C12orf42: variants seen among roughly 807,000 people sequenced by gnomAD.
The protein encoded by C12orf42 is chromosome 12 open reading frame 42.
C12orf42 carries 25 observed loss-of-function variants against 21.6 expected under a neutral mutation model. The observed-to-expected ratio is 1.16, with a 90% confidence interval of 0.84 to 1.62. The LOEUF (loss-of-function observed/expected upper bound fraction) is 1.62, where lower values mean the gene tolerates loss of function less well. C12orf42 is among the 40% of genes most tolerant of loss of function. The pLI is 0.00. For missense variants in C12orf42, 483 were observed against 459.3 expected (o/e 1.05, Z -0.47); for synonymous variants, 174 against 175.0 (o/e 0.99, Z 0.05).
chr12:103,366,787 T>C (rs973471644), intron 4 of C12orf42, among the ~76,000 whole-genome samples: 1 of 151,796 alleles, frequency 6.6e-6, no homozygotes, highest in Non-Finnish European at 1.5e-5. Context: ...AGAATGGCCA[T>C]AATCAAAAAA....
chr12:103,139,577 T>C, the C12orf42 span, among the ~76,000 whole-genome samples: 7 of 151,932 alleles, frequency 4.6e-5, no homozygotes, highest in Non-Finnish European at 1.0e-4. Flanking sequence ...AAAAAAATTA[T>C]GACGTATGTA....
At chr12:103,401,103 T>C (rs886209033) in intron 3 of C12orf42, among the ~76,000 whole-genome samples, 1 of 152,158 alleles carries the variant, frequency 6.6e-6, no homozygotes, top group Non-Finnish European at 1.5e-5. Flanking sequence ...TTCATAGTCA[T>C]GCATATGCAC....
At chr12:103,050,577 A>T in the C12orf42 span, among the ~76,000 whole-genome samples, 1 of 152,140 alleles carries the variant, frequency 6.6e-6, no homozygotes, top group Non-Finnish European at 1.5e-5. Flanking sequence ...TCCTATACAG[A>T]GTAGCCATAT....
intron 2 of C12orf42, among the ~76,000 whole-genome samples, chr12:103,445,787 G>T (rs1332076347): frequency 6.6e-6 from 1 of 151,960 alleles, no homozygotes; most frequent in African/African-American, 2.4e-5. Flanking sequence ...TTTATAGTTA[G>T]TACTCTTTGG....
intron 3 of C12orf42, among the ~76,000 whole-genome samples, chr12:103,377,009 C>G (rs951939218): frequency 5.3e-5 from 8 of 151,956 alleles, no homozygotes; most frequent in African/African-American, 1.9e-4. Context: ...TTATGCTGCT[C>G]TTTTTAAAAA....
chr12:103,173,457 C>G, the C12orf42 span, among the ~76,000 whole-genome samples: 3 of 152,068 alleles, frequency 2.0e-5, no homozygotes, highest in Admixed American at 1.3e-4. Context: ...ATCATGAACT[C>G]TGGTGTTATC....
chr12:103,364,001 A>G (rs957138565), intron 4 of C12orf42, among the ~76,000 whole-genome samples: 2 of 152,272 alleles, frequency 1.3e-5, no homozygotes, highest in African/African-American at 4.8e-5. Context: ...TGGACTTAAC[A>G]GATATTTACA....
downstream of C12orf42, among the ~76,000 whole-genome samples, chr12:103,266,152 A>G (rs1010657286): frequency 1.3e-5 from 2 of 152,202 alleles, no homozygotes; most frequent in Non-Finnish European, 2.9e-5. Flanking sequence ...CTTAAAGTGT[A>G]TTATTGAAGA....
the C12orf42 span, among the ~76,000 whole-genome samples, chr12:103,084,881 G>A: frequency 3.3e-5 from 5 of 152,112 alleles, no homozygotes; most frequent in African/African-American, 1.2e-4. Context: ...GGTGCCCTGG[G>A]AAGGCCTGGA....
the C12orf42 span, among the ~76,000 whole-genome samples, chr12:103,124,155 CTTTTTTTTTTTTTTT>C: frequency 3.9e-5 from 3 of 75,962 alleles, no homozygotes; most frequent in Admixed American, 1.7e-4. Flanking sequence ...CAAACATAAG[CTTTTTTTTTTTTTTT>C]TTTTTTTTTT....
Position 103,437,936 on chromosome 12 carries a change from T to G in C12orf42, c.79-36261A>C, listed in dbSNP as rs1406354368. 5.4e-5 allele frequency among the ~76,000 whole-genome samples: 8 copies of G among 148,422 alleles called. No individual in the cohort carries two copies. The South Asian group carries it at 1.8e-3, about 33-fold the overall frequency. On this transcript the variant is annotated intron_variant, in intron 2 of 5. Coordinates refer to ENST00000548883, the MANE Select transcript of C12orf42 (RefSeq NM_198521.5). ...CCAGCATCATCCTGATACCAAAGCC[T>G]GGCAGAGACACAACAAAAAAAGAGA...
intron 10 of C12orf42, among the ~76,000 whole-genome samples, chr12:103,242,652 A>G: frequency 6.6e-6 from 1 of 152,188 alleles, no homozygotes; most frequent in East Asian, 1.9e-4. Context: ...GTGCACTCAC[A>G]AGATATTGCC....
intron 10 of C12orf42, among the ~76,000 whole-genome samples, chr12:103,261,162 A>T (rs1181776919): frequency 1.3e-5 from 2 of 152,178 alleles, no homozygotes; most frequent in Non-Finnish European, 2.9e-5. Flanking sequence ...TTATTTATAA[A>T]TTTCCCCCAT....
At chr12:103,362,331 C>A (rs935186730) in intron 4 of C12orf42, among the ~76,000 whole-genome samples, 1 of 152,018 alleles carries the variant, frequency 6.6e-6, no homozygotes, top group African/African-American at 2.4e-5. Flanking sequence ...CAAGGGAACA[C>A]CCCATGGAAC....
At chr12:103,527,630 C>A in the C12orf42 span, among the ~76,000 whole-genome samples, 1 of 152,194 alleles carries the variant, frequency 6.6e-6, no homozygotes, top group Non-Finnish European at 1.5e-5. Context: ...GTATTTCAGG[C>A]CTACAAACAC....
chr12:103,453,197 C>A lies in C12orf42; in HGVS notation c.78+25152G>T, dbSNP rs1196198867. On this transcript the variant is annotated intron_variant, in intron 2 of 5. Transcript: ENST00000548883. ...ACTTATTAAAGCATTAATTTTATTT[C>A]TTTAATGACTATGCAGGTTTTCTAT... is the stretch of plus-strand genomic sequence containing the variant. 2.6e-5 allele frequency among the ~76,000 whole-genome samples: 4 copies of A among 151,242 alleles called. No homozygotes were observed. The South Asian group carries it at 8.3e-4, about 31-fold the overall frequency.
upstream of C12orf42, among the ~76,000 whole-genome samples, chr12:103,497,742 A>G (rs985885827): frequency 6.6e-6 from 1 of 152,162 alleles, no homozygotes; most frequent in Non-Finnish European, 1.5e-5. Context: ...ATTTTAAAAG[A>G]AAGAAAAGGC....
chr12:103,082,841 T>A, the C12orf42 span, among the ~76,000 whole-genome samples: 1 of 152,354 alleles, frequency 6.6e-6, no homozygotes, highest in South Asian at 2.1e-4. Context: ...CAGTATTTGG[T>A]AACATAGTAC....
At chr12:103,206,201 T>A in the C12orf42 span, among the ~76,000 whole-genome samples, 1 of 152,200 alleles carries the variant, frequency 6.6e-6, no homozygotes, top group South Asian at 2.1e-4. Flanking sequence ...AGAACCTATG[T>A]GGTACTGACA....
Sources: allele counts gnomAD v4.1 joint callset (sites outside exome capture counted in the v4.1 genomes callset), GRCh38; gene constraint gnomAD v4.1.1; transcripts MANE v1.5; gene names NCBI Gene and HGNC (gene_info 2026-07-23, HGNC 2026-07-21).